Variants in PDE4D observed in about 807,000 individuals in gnomAD.
The protein encoded by PDE4D is 3',5'-cyclic-AMP phosphodiesterase 4D.
Under a neutral mutation model 87.4 loss-of-function variants are expected in PDE4D, and 24 were observed. The ratio of observed to expected loss-of-function variants is 0.27; its 90% confidence interval spans 0.20 to 0.39. The LOEUF (loss-of-function observed/expected upper bound fraction) is 0.39, where lower values mean the gene tolerates loss of function less well. PDE4D is among the 10% of genes least tolerant of loss of function. PDE4D has a pLI of 1.00. For missense variants in PDE4D, 714 were observed against 1,041.0 expected, an observed-to-expected ratio of 0.69 and a Z score of 4.32; for synonymous variants, 384 against 383.2, an observed-to-expected ratio of 1.00 and a Z score of -0.02.
At chr5:60,017,041 C>A (rs188448826) in intron 2 of PDE4D, among the ~76,000 whole-genome samples, 3 of 152,200 alleles carry the variant, frequency 2.0e-5, no homozygotes, top group African/African-American at 4.8e-5. Flanking sequence ...CCATTGATTG[C>A]AGAATGAATG....
At chr5:59,050,074 G>A (rs761464702) in intron 5 of PDE4D, among the ~76,000 whole-genome samples, 1 of 152,142 alleles carries the variant, frequency 6.6e-6, no homozygotes, top group African/African-American at 2.4e-5. Flanking sequence ...GACCAGCCTG[G>A]CCAACATGAT....
At chr5:60,127,317 G>A (rs541369381) in intron 2 of PDE4D, among the ~76,000 whole-genome samples, 9 of 152,116 alleles carry the variant, frequency 5.9e-5, no homozygotes, top group Admixed American at 2.0e-4. Context: ...ATGGGAAACC[G>A]CTAACTGGTT....
intron 11 of PDE4D, among the ~76,000 whole-genome samples, chr5:58,977,631 T>G (rs942983579): frequency 3.9e-5 from 6 of 152,168 alleles, no homozygotes; most frequent in Non-Finnish European, 5.9e-5. Flanking sequence ...TAACCTCTCC[T>G]CTAGAGTTGC....
At chr5:58,992,027 C>T in intron 7 of PDE4D, 23 bp from the exon 8 acceptor site, 1 of 1,411,918 alleles carries the variant, frequency 7.1e-7, no homozygotes, top group Non-Finnish European at 9.5e-7. Flanking sequence ...AGAAAATGTT[C>T]TATATTTATT....
chr5:59,067,031 T>TAGAG lies in PDE4D; in HGVS notation c.809-28064_809-28061dup, dbSNP rs796530437. 8.1e-4 allele frequency among the ~76,000 whole-genome samples: 113 copies of TAGAG among 138,820 alleles called. 2 individuals are homozygous for TAGAG. Among genetic ancestry groups the TAGAG allele is most frequent in the African/African-American group, 2.7e-3 (100 of 37,704 alleles). The allele number at this position is 138,820 out of a possible 152,430, so 91.1% of individuals were successfully genotyped here. On this transcript the variant is annotated intron_variant, in intron 5 of 14. Transcript: ENST00000340635. ...TTATTTATTTATTTATTTATTTATTTAGAGAGAGAGTTTTGCTCTGTCACT... is the reference window on the plus strand; with the variant it reads ...TTATTTATTTATTTATTTATTTATTTAGAGAGAGAGAGAGTTTTGCTCTGTCACT...
At chr5:60,107,818 C>T (rs1777175361) in intron 2 of PDE4D, among the ~76,000 whole-genome samples, 1 of 152,088 alleles carries the variant, frequency 6.6e-6, no homozygotes, top group Non-Finnish European at 1.5e-5. Context: ...GCCCTTCATG[C>T]TAAAAAATCT....
At chr5:59,577,452 T>C (rs1301202599) in intron 1 of PDE4D, among the ~76,000 whole-genome samples, 1 of 152,160 alleles carries the variant, frequency 6.6e-6, no homozygotes, top group East Asian at 1.9e-4. Context: ...AGAACAATTA[T>C]GCCTGAATAA....
intron 1 of PDE4D, among the ~76,000 whole-genome samples, chr5:59,746,084 A>AAT (rs1759563731): frequency 6.6e-6 from 1 of 152,286 alleles, no homozygotes; most frequent in East Asian, 1.9e-4. Context: ...TGACAAATGC[A>AAT]ATATATATAT....
intron 5 of PDE4D, among the ~76,000 whole-genome samples, chr5:59,040,974 T>C (rs1759579512): frequency 6.6e-6 from 1 of 152,216 alleles, no homozygotes; most frequent in Non-Finnish European, 1.5e-5. Flanking sequence ...ACGTGGCTTA[T>C]TGTTATCAAG....
intron 1 of PDE4D, among the ~76,000 whole-genome samples, chr5:60,236,155 A>G (rs1746403840): frequency 6.7e-6 from 1 of 148,222 alleles, no homozygotes; most frequent in Non-Finnish European, 1.5e-5. Flanking sequence ...AGAAGACAGG[A>G]GAAAAATGTT....
chr5:59,624,865 T>G (rs549166605), intron 1 of PDE4D, among the ~76,000 whole-genome samples: 126 of 152,178 alleles, frequency 8.3e-4, no homozygotes, highest in Non-Finnish European at 9.4e-4. Flanking sequence ...ATTGTCTTTC[T>G]TAGCATTTAA....
chr5:59,221,946 G>A (rs775438650), intron 1 of PDE4D, among the ~76,000 whole-genome samples: 2 of 152,136 alleles, frequency 1.3e-5, no homozygotes, highest in Non-Finnish European at 2.9e-5. Context: ...GAATGATATA[G>A]CTATATTTGG....
intron 1 of PDE4D, among the ~76,000 whole-genome samples, chr5:59,763,585 G>T (rs966814911): frequency 2.0e-5 from 3 of 152,082 alleles, no homozygotes; most frequent in Non-Finnish European, 4.4e-5. Context: ...AAAATTCAAT[G>T]ACGAGAAAAG....
intron 1 of PDE4D, among the ~76,000 whole-genome samples, chr5:59,589,328 T>G (rs936596891): frequency 6.6e-6 from 1 of 152,212 alleles, no homozygotes; most frequent in Non-Finnish European, 1.5e-5. Flanking sequence ...GCTGAGGAGA[T>G]TAAGACATTT....
At chr5:60,320,268 G>A (rs1756112443) in intron 1 of PDE4D, among the ~76,000 whole-genome samples, 1 of 152,242 alleles carries the variant, frequency 6.6e-6, no homozygotes, top group Non-Finnish European at 1.5e-5. Flanking sequence ...CGTGGGCATA[G>A]GACCCTCTGA....
intron 1 of PDE4D, among the ~76,000 whole-genome samples, chr5:60,270,736 T>C (rs1750725836): frequency 1.3e-5 from 2 of 152,188 alleles, no homozygotes; most frequent in African/African-American, 4.8e-5. Flanking sequence ...AGAGATTTTC[T>C]CAATGAAATC....
At chr5:59,374,599 T>C (rs918931905) in intron 1 of PDE4D, among the ~76,000 whole-genome samples, 1 of 152,156 alleles carries the variant, frequency 6.6e-6, no homozygotes, top group Non-Finnish European at 1.5e-5. Context: ...AACATATCAC[T>C]GAAAATATTA....
At chr5:59,115,204 CA>C (rs765002222) in intron 5 of PDE4D, among the ~76,000 whole-genome samples, 33 of 152,170 alleles carry the variant, frequency 2.2e-4, no homozygotes, top group Non-Finnish European at 4.0e-4. Flanking sequence ...ACAGATTGAG[CA>C]AAATATAATT....
At chr5:58,978,631 A>G (rs1401165369) in intron 11 of PDE4D, among the ~76,000 whole-genome samples, 1 of 152,212 alleles carries the variant, frequency 6.6e-6, no homozygotes, top group Non-Finnish European at 1.5e-5. Flanking sequence ...GAGAAATTCT[A>G]TTATTTTATC....
Sources: allele counts gnomAD v4.1 joint callset (sites outside exome capture counted in the v4.1 genomes callset), GRCh38; gene constraint gnomAD v4.1.1; transcripts MANE v1.5; gene names NCBI Gene and HGNC (gene_info 2026-07-23, HGNC 2026-07-21).